Variants in MTMR10 observed in about 807,000 individuals in gnomAD.
The protein encoded by MTMR10 is myotubularin related protein 10, also known as myotubularin-related protein 10.
Under a neutral mutation model 88.1 loss-of-function variants are expected in MTMR10, and 56 were observed. The ratio of observed to expected loss-of-function variants is 0.64; its 90% CI spans 0.51 to 0.79. MTMR10 has a LOEUF of 0.79. Among genes scored for constraint, MTMR10 ranks in the 30% least tolerant of loss-of-function variants. The pLI is 0.00. For missense variants in MTMR10, 883 were observed against 924.7 expected (o/e 0.95, Z 0.58); for synonymous variants, 380 against 340.9 (o/e 1.11, Z -1.26).
chr15:30,960,430 C>T (rs554245234), intron 7 of MTMR10, among the ~76,000 whole-genome samples: 68 of 152,152 alleles, frequency 4.5e-4, no homozygotes, highest in Non-Finnish European at 3.8e-4. Context: ...GAACACATTA[C>T]GGGACACCCT....
intron 5 of MTMR10, among the ~76,000 whole-genome samples, chr15:30,971,862 G>C (rs1422622754): frequency 6.6e-6 from 1 of 152,000 alleles, no homozygotes. Context: ...CTATTTTCCT[G>C]TGACAGCTCG....
the MTMR10 span, among the ~76,000 whole-genome samples, chr15:30,929,862 AATATATATAAAATATATAATATATATCAT>A: frequency 1.7e-5 from 1 of 60,366 alleles, no homozygotes; most frequent in African/African-American, 9.5e-5. Flanking sequence ...TATCATATAT[AATATATATAAAATATATAATATATATCAT>A]ATATAATATA....
intron 2 of MTMR10, 71 bp downstream of exon 2, chr15:30,990,706 C>A (rs924879274): frequency 1.2e-5 from 15 of 1,283,570 alleles, no homozygotes; most frequent in Admixed American, 2.0e-5. Context: ...CCACATGATA[C>A]TAGTCGGCAG....
At chr15:30,927,076 CT>C in the MTMR10 span, 1 of 962,488 alleles carries the variant, frequency 1.0e-6, no homozygotes. Flanking sequence ...CTTGGGGAGG[CT>C]GAGACAGGAG....
At chr15:30,981,181 A>C (rs1366615272) in intron 2 of MTMR10, among the ~76,000 whole-genome samples, 1 of 152,236 alleles carries the variant, frequency 6.6e-6, no homozygotes, top group Admixed American at 6.5e-5. Flanking sequence ...AGTATTGACT[A>C]ATTACTGTGG....
At chr15:30,942,660 G>A (rs552624525) in intron 15 of MTMR10, 3 of 489,340 alleles carry the variant, frequency 6.1e-6, no homozygotes, top group African/African-American at 3.9e-5. Context: ...CAGGCTTGCA[G>A]GCTCAAAGCT....
intron 2 of MTMR10, among the ~76,000 whole-genome samples, chr15:30,982,503 G>T (rs1423480052): frequency 1.3e-5 from 2 of 150,530 alleles, no homozygotes; most frequent in East Asian, 3.9e-4. Flanking sequence ...AAAGAAAAAA[G>T]AAAAAAAAAG....
At chr15:30,990,148 T>A (rs2031217308) in intron 2 of MTMR10, among the ~76,000 whole-genome samples, 1 of 151,960 alleles carries the variant, frequency 6.6e-6, no homozygotes, top group Non-Finnish European at 1.5e-5. Context: ...CAAAAAAAAA[T>A]TGGCAATGAC....
intron 10 of MTMR10, among the ~76,000 whole-genome samples, chr15:30,954,503 A>C (rs796159802): frequency 4.6e-5 from 7 of 152,318 alleles, no homozygotes; most frequent in African/African-American, 1.7e-4. Flanking sequence ...TGCTTTTATA[A>C]AAGTATTCTC....
intron 6 of MTMR10, among the ~76,000 whole-genome samples, chr15:30,963,670 C>CAGACAGAT (rs1555409487): frequency 3.0e-5 from 3 of 99,546 alleles, no homozygotes; most frequent in African/African-American, 8.3e-5. Context: ...GATAGACAGA[C>CAGACAGAT]AGATAGATAG....
At chr15:30,923,569 G>C in the MTMR10 span, among the ~76,000 whole-genome samples, 1 of 152,174 alleles carries the variant, frequency 6.6e-6, no homozygotes, top group Admixed American at 6.5e-5. Context: ...TCCAGGGAAG[G>C]GATCGCCTAG....
the MTMR10 span, among the ~76,000 whole-genome samples, chr15:30,923,704 C>T: frequency 1.3e-5 from 2 of 152,230 alleles, no homozygotes; most frequent in African/African-American, 4.8e-5. Context: ...CTTCTGCCAG[C>T]GAACAGGGTG....
intron 2 of MTMR10, among the ~76,000 whole-genome samples, chr15:30,988,987 C>CA (rs71420538): frequency 0.12 from 10,654 of 85,496 alleles, 704 homozygotes; most frequent in African/African-American, 0.2. Context: ...GACTCTGTCT[C>CA]AAAAAAAAAA....
the MTMR10 span, chr15:30,922,139 T>C: frequency 6.9e-7 from 1 of 1,451,308 alleles, no homozygotes; most frequent in East Asian, 2.3e-5. Flanking sequence ...AGATACGCAT[T>C]ATAAATAGGC....
chr15:30,970,620 A>G (rs780756239), intron 5 of MTMR10, among the ~76,000 whole-genome samples: 1 of 152,218 alleles, frequency 6.6e-6, no homozygotes, highest in Non-Finnish European at 1.5e-5. Context: ...ACATTCTCCA[A>G]AACAATTAGA....
At chr15:30,944,662 T>C (rs927810823) in intron 14 of MTMR10, among the ~76,000 whole-genome samples, 2 of 151,728 alleles carry the variant, frequency 1.3e-5, no homozygotes, top group Non-Finnish European at 2.9e-5. Context: ...AGAGCTGAAA[T>C]CTAGTAAAAC....
At chr15:30,958,553 C>G (rs781055347) in intron 9 of MTMR10, among the ~76,000 whole-genome samples, 1 of 152,192 alleles carries the variant, frequency 6.6e-6, no homozygotes, top group Non-Finnish European at 1.5e-5. Flanking sequence ...TTTGATTTAT[C>G]CTGAAGTGTC....
intron 2 of MTMR10, among the ~76,000 whole-genome samples, chr15:30,987,927 T>C (rs1403835111): frequency 5.3e-5 from 8 of 150,896 alleles, no homozygotes; most frequent in African/African-American, 2.0e-4. Context: ...GGTGTCCATG[T>C]TGAACAATAA....
rs1404860541 is a variant in MTMR10, at chr15:30,954,665, T to C, written c.1066+98A>G. 3 of 1,193,618 alleles carry C rather than the reference T, an allele frequency of 2.5e-6. No homozygotes were observed. The African/African-American group carries it at 4.8e-5, about 19-fold the overall frequency. 73.9% of individuals were successfully genotyped at this position (1,193,618 alleles called of 1,614,324 possible). ...AATAGTTCCATAGACTCCTTAAATA[T>C]ATCTATTTCTACATTTTTAAGAACA... On this transcript the variant is annotated intron_variant, in intron 10 of 15. Coordinates refer to ENST00000435680, the MANE Select transcript of MTMR10 (RefSeq NM_017762.3).
Sources: gnomAD v4.1 joint callset for allele counts (sites outside exome capture counted in the v4.1 genomes callset) on GRCh38, gnomAD v4.1.1 for gene constraint, MANE v1.5 for transcripts, NCBI Gene and HGNC (gene_info 2026-07-23, HGNC 2026-07-21) for gene names.